KCNH7: variants seen among roughly 807,000 people sequenced by gnomAD.
KCNH7 encodes the protein voltage-gated inwardly rectifying potassium channel KCNH7.
A neutral mutation model predicts 120.8 loss-of-function variants in KCNH7; 49 were observed. The observed-to-expected ratio is 0.41, with a 90% CI of 0.32 to 0.51. KCNH7 has a LOEUF of 0.51. Among genes scored for constraint, KCNH7 ranks in the 20% least tolerant of loss-of-function variants. The pLI is 0.38. For missense variants in KCNH7, 1,097 were observed against 1,446.6 expected (o/e 0.76, Z 3.92); for synonymous variants, 547 against 516.1 (o/e 1.06, Z -0.81).
intron 6 of KCNH7, among the ~76,000 whole-genome samples, chr2:162,468,230 C>T (rs1689372970): frequency 6.6e-6 from 1 of 152,080 alleles, no homozygotes; most frequent in African/African-American, 2.4e-5. Flanking sequence ...GGGCATCTGA[C>T]ACTCTCAAAT....
chr2:162,544,137 C>G (rs753961797), intron 2 of KCNH7, among the ~76,000 whole-genome samples: 1 of 151,972 alleles, frequency 6.6e-6, no homozygotes, highest in African/African-American at 2.4e-5. Context: ...TGATGAGGCC[C>G]TTGGTTTATT....
At chr2:162,551,612 G>A (rs1372835381) in intron 2 of KCNH7, among the ~76,000 whole-genome samples, 3 of 151,928 alleles carry the variant, frequency 2.0e-5, no homozygotes, top group African/African-American at 4.8e-5. Flanking sequence ...GGAAAAAGAG[G>A]AAATTCAGCT....
At chr2:162,541,749 T>C (rs529932560) in intron 2 of KCNH7, among the ~76,000 whole-genome samples, 1 of 151,970 alleles carries the variant, frequency 6.6e-6, no homozygotes, top group South Asian at 2.1e-4. Flanking sequence ...CTGGGATTAA[T>C]ACCTAGGAGA....
chr2:162,471,203 C>T (rs927364285), intron 6 of KCNH7, among the ~76,000 whole-genome samples: 10 of 150,470 alleles, frequency 6.6e-5, no homozygotes, highest in African/African-American at 2.2e-4. Flanking sequence ...TATGACCCTG[C>T]CAAATCCCCC....
intron 6 of KCNH7, among the ~76,000 whole-genome samples, chr2:162,491,103 A>G (rs760805795): frequency 2.0e-5 from 3 of 152,204 alleles, no homozygotes; most frequent in African/African-American, 4.8e-5. Flanking sequence ...GCCCTCATGC[A>G]GCCTGTTGGC....
intron 2 of KCNH7, among the ~76,000 whole-genome samples, chr2:162,602,833 T>C (rs913030714): frequency 3.7e-4 from 56 of 151,758 alleles, no homozygotes; most frequent in African/African-American, 1.4e-3. Flanking sequence ...ATTCTAGATA[T>C]TACAAAATGT....
chr2:162,477,817 T>G (rs191323477), intron 6 of KCNH7, among the ~76,000 whole-genome samples: 136 of 149,016 alleles, frequency 9.1e-4, no homozygotes, highest in Middle Eastern at 3.4e-3. Context: ...CCCAAACATC[T>G]ATCCATCCAT....
chr2:162,564,021 A>G (rs1693162086), intron 2 of KCNH7, among the ~76,000 whole-genome samples: 1 of 152,192 alleles, frequency 6.6e-6, no homozygotes, highest in Non-Finnish European at 1.5e-5. Context: ...ATAAACTGGT[A>G]CAACTCAAAA....
chr2:162,731,397 T>G (rs1048648028), intron 2 of KCNH7, among the ~76,000 whole-genome samples: 6 of 151,208 alleles, frequency 4.0e-5, no homozygotes, highest in African/African-American at 1.5e-4. Context: ...TAAAAGAAAA[T>G]AAAAGGTAAA....
intron 2 of KCNH7, among the ~76,000 whole-genome samples, chr2:162,701,440 C>G (rs988623581): frequency 1.3e-5 from 2 of 152,054 alleles, no homozygotes; most frequent in Non-Finnish European, 2.9e-5. Flanking sequence ...AAAAATTTAT[C>G]TCAGTTCAAA....
intron 2 of KCNH7, among the ~76,000 whole-genome samples, chr2:162,569,481 CT>C (rs1693385773): frequency 6.9e-6 from 1 of 145,600 alleles, no homozygotes; most frequent in African/African-American, 2.6e-5. Flanking sequence ...AAAAAACCAG[CT>C]CCTGGATTCA....
intron 14 of KCNH7, among the ~76,000 whole-genome samples, chr2:162,374,773 A>G (rs963993830): frequency 1.3e-5 from 2 of 152,094 alleles, no homozygotes; most frequent in Non-Finnish European, 2.9e-5. Flanking sequence ...TCACAATAAC[A>G]CATTATTCTT....
At chr2:162,562,587 G>T (rs1164684177) in intron 2 of KCNH7, among the ~76,000 whole-genome samples, 1 of 152,182 alleles carries the variant, frequency 6.6e-6, no homozygotes, top group Non-Finnish European at 1.5e-5. Context: ...TAGCTCAGAC[G>T]ACTGAGCATG....
intron 15 of KCNH7, among the ~76,000 whole-genome samples, chr2:162,372,693 G>A (rs1252488271): frequency 4.0e-5 from 6 of 151,776 alleles, no homozygotes; most frequent in Admixed American, 3.3e-4. Flanking sequence ...TTAAATTCCC[G>A]AACATCTAAA....
chr2:162,645,469 C>CA (rs1684324435), intron 2 of KCNH7, among the ~76,000 whole-genome samples: 1 of 151,976 alleles, frequency 6.6e-6, no homozygotes, highest in Non-Finnish European at 1.5e-5. Flanking sequence ...AATTTTTAAA[C>CA]AAAAAATTCA....
At chr2:162,518,810 G>GTTTT in intron 3 of KCNH7, among the ~76,000 whole-genome samples, 1 of 119,454 alleles carries the variant, frequency 8.4e-6, no homozygotes, top group Non-Finnish European at 1.8e-5. Flanking sequence ...CCTGTTTTCT[G>GTTTT]TTTTTTTTTT....
At chr2:162,527,700 C>T (rs180782129) in intron 3 of KCNH7, among the ~76,000 whole-genome samples, 34 of 151,816 alleles carry the variant, frequency 2.2e-4, no homozygotes, top group East Asian at 2.1e-3. Context: ...TTTTAGTAAG[C>T]GTAAAAGTAA....
At chr2:162,377,479 A>G (rs1250081572) in intron 14 of KCNH7, among the ~76,000 whole-genome samples, 1 of 152,214 alleles carries the variant, frequency 6.6e-6, no homozygotes, top group Non-Finnish European at 1.5e-5. Flanking sequence ...TAAAGGAAAG[A>G]TGAGGAGGAC....
At chr2:162,462,127 A>G (rs1279975280) in intron 6 of KCNH7, among the ~76,000 whole-genome samples, 2 of 152,266 alleles carry the variant, frequency 1.3e-5, no homozygotes, top group East Asian at 3.9e-4. Context: ...GCAACGAATT[A>G]GTATGATCTT....
Sources: gnomAD v4.1 joint callset for allele counts (sites outside exome capture counted in the v4.1 genomes callset) on GRCh38, gnomAD v4.1.1 for gene constraint, MANE v1.5 for transcripts, NCBI Gene and HGNC (gene_info 2026-07-23, HGNC 2026-07-21) for gene names.